The following FGGY variants were observed in gnomAD, a reference collection of about 807,000 sequenced individuals.
FGGY encodes FGGY carbohydrate kinase domain-containing protein.
A neutral mutation model predicts 71.3 loss-of-function variants in FGGY; 72 were observed. The observed-to-expected ratio is 1.01, with a 90% CI of 0.84 to 1.23. The LOEUF (loss-of-function observed/expected upper bound fraction) is 1.23. Among genes scored for constraint, FGGY ranks in the 50% most tolerant of loss-of-function variants. The pLI is 0.00. For synonymous variants in FGGY, 251 were observed against 250.3 expected (o/e 1.00, Z -0.02); for missense variants, 668 against 682.3 (o/e 0.98, Z 0.23).
chr1:59,320,776 A>G (rs1370330773), intron 1 of FGGY, among the ~76,000 whole-genome samples: 2 of 152,250 alleles, frequency 1.3e-5, no homozygotes, highest in East Asian at 3.8e-4. Flanking sequence ...TAAGAAACAA[A>G]GGAAAGAGCA....
intron 2 of FGGY, among the ~76,000 whole-genome samples, chr1:59,324,265 ACTTTT>A (rs2046930869): frequency 1.8e-5 from 2 of 109,432 alleles, no homozygotes; most frequent in Admixed American, 1.9e-4. Flanking sequence ...TATAATAACT[ACTTTT>A]TTTTTTTTTT....
At chr1:59,542,819 G>C (rs1369867059) in intron 7 of FGGY, among the ~76,000 whole-genome samples, 2 of 152,126 alleles carry the variant, frequency 1.3e-5, no homozygotes, top group Non-Finnish European at 2.9e-5. Context: ...AAAAAACTCA[G>C]TTCATTTGCG....
chr1:59,752,397 C>A (rs1209017180), intron 14 of FGGY, among the ~76,000 whole-genome samples: 1 of 152,148 alleles, frequency 6.6e-6, no homozygotes, highest in African/African-American at 2.4e-5. Context: ...TATATTCTCC[C>A]CTATAGATGG....
chr1:59,305,955 C>T (rs765206007), intron 1 of FGGY, among the ~76,000 whole-genome samples: 16 of 152,208 alleles, frequency 1.1e-4, no homozygotes, highest in Non-Finnish European at 4.4e-5. Flanking sequence ...AGCTCTGTCT[C>T]CTCAACTCAG....
intron 1 of FGGY, among the ~76,000 whole-genome samples, chr1:59,311,325 C>T (rs1382867084): frequency 3.3e-5 from 5 of 151,528 alleles, no homozygotes; most frequent in Non-Finnish European, 1.5e-5. Context: ...AGGTTTGTTA[C>T]ATAGGTATAC....
In FGGY at chr1:59,554,118, T is replaced by C. The variant is rs776991647; in HGVS notation, c.800-6T>C. 1 of 1,595,042 alleles carries C rather than the reference T, an allele frequency of 6.3e-7. No homozygotes were observed. The highest frequency in any genetic ancestry group is 8.6e-7 in the Non-Finnish European group (1 of 1,164,866). ...GAGGATTTGTTTTTGTTTTCCTTTCTCACAGGAGTGATTGGGGCAGATGTG... is the reference window on the plus strand; with the variant it reads ...GAGGATTTGTTTTTGTTTTCCTTTCCCACAGGAGTGATTGGGGCAGATGTG... On this transcript the variant is annotated splice_polypyrimidine_tract_variant and splice_region_variant and intron_variant, in intron 7 of 15. Coordinates refer to ENST00000303721, the MANE Select transcript of FGGY (RefSeq NM_018291.5).
intron 8 of FGGY, among the ~76,000 whole-genome samples, chr1:59,554,581 A>G (rs2095656637): frequency 6.6e-6 from 1 of 152,138 alleles, no homozygotes; most frequent in Non-Finnish European, 1.5e-5. Context: ...TTCTCGGCAA[A>G]GAGTGTCTGT....
intron 5 of FGGY, among the ~76,000 whole-genome samples, chr1:59,399,820 A>G (rs2153401389): frequency 6.6e-6 from 1 of 152,326 alleles, no homozygotes; most frequent in South Asian, 2.1e-4. Flanking sequence ...CACAGTATAT[A>G]TACACTCAGG....
At position 59,742,979 on chromosome 1, in the gene FGGY, A is replaced by G. The variant is rs541303774; in HGVS notation, c.1513-14952A>G. Among the ~76,000 whole-genome samples the G allele has an allele frequency of 6.0e-4, 91 of 152,288 alleles. No homozygotes were observed. The South Asian group carries it at 8.3e-3, about 14-fold the overall frequency. On this transcript the variant is annotated intron_variant, in intron 14 of 15. Coordinates refer to ENST00000303721, the MANE Select transcript of FGGY (RefSeq NM_018291.5). ...AAAACTACCAGAGTGATCTTTAACAAACATGAATAAGATCACTCTTGCTTA... is the reference window on the plus strand; with the variant it reads ...AAAACTACCAGAGTGATCTTTAACAGACATGAATAAGATCACTCTTGCTTA...
chr1:59,654,457 C>G (rs1391191504), intron 11 of FGGY, among the ~76,000 whole-genome samples: 1 of 152,162 alleles, frequency 6.6e-6, no homozygotes, highest in Non-Finnish European at 1.5e-5. Context: ...CTCTGATGAC[C>G]ATAGAAAAAT....
At chr1:59,308,280 A>T (rs1056299707) in intron 1 of FGGY, among the ~76,000 whole-genome samples, 2 of 152,202 alleles carry the variant, frequency 1.3e-5, no homozygotes, top group African/African-American at 4.8e-5. Context: ...GCCCATGTAT[A>T]AGGGTAAAAA....
At position 59,507,684 on chromosome 1, in the gene FGGY, A is replaced by ATTTTTTTTTTTTTTTTTT. The variant is rs561953004; in HGVS notation, c.671-4621_671-4604dup. ...AGGCAACTGCAACCATGCTTGGCTA[A>ATTTTTTTTTTTTTTTTTT]TTTTTTTTTTTTTTTTTTTTTTTGT... On this transcript the variant is annotated intron_variant, in intron 6 of 15. Coordinates refer to ENST00000303721, the MANE Select transcript of FGGY (RefSeq NM_018291.5). Among the ~76,000 whole-genome samples the ATTTTTTTTTTTTTTTTTT allele has an allele frequency of 1.7e-3, 177 of 106,886 alleles. 5 individuals carry two copies. The highest frequency in any genetic ancestry group is 5.4e-3 in the African/African-American group (132 of 24,580). 70.1% of individuals were successfully genotyped at this position (106,886 alleles called of 152,430 possible).
At chr1:59,343,282 A>G (rs1465030311) in intron 3 of FGGY, among the ~76,000 whole-genome samples, 1 of 152,178 alleles carries the variant, frequency 6.6e-6, no homozygotes, top group Non-Finnish European at 1.5e-5. Flanking sequence ...AGGTAAAGTG[A>G]GGTAGCTCAA....
chr1:59,451,549 A>C (rs572496169), intron 5 of FGGY, among the ~76,000 whole-genome samples: 1 of 152,204 alleles, frequency 6.6e-6, no homozygotes, highest in Admixed American at 6.5e-5. Flanking sequence ...ATATATATAC[A>C]TATATGCAGG....
intron 4 of FGGY, among the ~76,000 whole-genome samples, chr1:59,355,330 C>G: frequency 6.6e-6 from 1 of 152,000 alleles, no homozygotes; most frequent in African/African-American, 2.4e-5. Context: ...AATGAACAGT[C>G]TTATAAATAC....
chr1:59,580,837 T>G (rs545358936), intron 8 of FGGY, among the ~76,000 whole-genome samples: 24 of 152,320 alleles, frequency 1.6e-4, no homozygotes, highest in African/African-American at 5.8e-4. Flanking sequence ...TTCAAACATC[T>G]TTCACTTAAT....
intron 6 of FGGY, among the ~76,000 whole-genome samples, chr1:59,472,247 G>A (rs1032127960): frequency 1.1e-4 from 16 of 152,230 alleles, no homozygotes; most frequent in Admixed American, 5.2e-4. Flanking sequence ...CACCGGCCCA[G>A]GGCAGTGAGG....
At chr1:59,492,143 G>T (rs2093885901) in intron 6 of FGGY, among the ~76,000 whole-genome samples, 2 of 152,074 alleles carry the variant, frequency 1.3e-5, no homozygotes, top group East Asian at 1.9e-4. Flanking sequence ...TGTACTTATT[G>T]TCTGGTACCC....
chr1:59,732,855 C>T lies in FGGY; in HGVS notation c.1513-25076C>T, dbSNP rs140075567. On this transcript the variant is annotated intron_variant, in intron 14 of 15. Transcript: ENST00000303721. The stretch of plus-strand genomic sequence containing the variant: ...TTCTTGCACCCTGAAATCCCCGCGA[C>T]GAGCTTCCACCATGGAATTTAGACA... Among the ~76,000 whole-genome samples, 414 of 152,176 alleles carry T rather than the reference C, an allele frequency of 2.7e-3. 1 individual carries two copies. Among genetic ancestry groups the T allele is most frequent in the Non-Finnish European group, 4.6e-3 (310 of 68,016 alleles).
Sources: allele counts gnomAD v4.1 joint callset (sites outside exome capture counted in the v4.1 genomes callset), GRCh38; gene constraint gnomAD v4.1.1; transcripts MANE v1.5; gene names NCBI Gene and HGNC (gene_info 2026-07-23, HGNC 2026-07-21).